Variants in PTPRN2 observed in about 807,000 individuals in gnomAD.
PTPRN2 encodes receptor-type tyrosine-protein phosphatase N2.
In PTPRN2, 74 loss-of-function variants were observed where a neutral mutation model predicts 118.8. That is an observed-to-expected ratio of 0.62 (90% confidence interval 0.52 to 0.76). PTPRN2 has a LOEUF of 0.76. PTPRN2 is among the 30% of genes least tolerant of loss of function. The pLI is 0.00. For synonymous variants in PTPRN2, 641 were observed against 608.0 expected (o/e 1.05, Z -0.80); for missense variants, 1,481 against 1,394.4 (o/e 1.06, Z -0.99).
chr7:157,584,767 C>T (rs1292810420), intron 17 of PTPRN2, among the ~76,000 whole-genome samples: 2 of 152,186 alleles, frequency 1.3e-5, no homozygotes, highest in African/African-American at 2.4e-5. Context: ...AGGAGCTCAC[C>T]GATGCCTGGA....
chr7:157,875,376 G>A (rs1268524814), intron 12 of PTPRN2, among the ~76,000 whole-genome samples: 2 of 152,186 alleles, frequency 1.3e-5, no homozygotes, highest in African/African-American at 4.8e-5. Flanking sequence ...ATGGTGGGAG[G>A]TGGCAAACCT....
intron 2 of PTPRN2, among the ~76,000 whole-genome samples, chr7:158,422,644 C>T (rs150567595): frequency 7.0e-5 from 10 of 142,324 alleles, no homozygotes; most frequent in African/African-American, 2.9e-4. Context: ...TGGGGCCACC[C>T]TTCGGACGTG....
chr7:157,646,735 G>C (rs1046400691), intron 14 of PTPRN2, among the ~76,000 whole-genome samples: 1 of 152,176 alleles, frequency 6.6e-6, no homozygotes, highest in Non-Finnish European at 1.5e-5. Flanking sequence ...GCATGGACAC[G>C]GGAGGCTCTA....
intron 3 of PTPRN2, among the ~76,000 whole-genome samples, chr7:158,245,974 C>T (rs995311042): frequency 5.3e-5 from 8 of 152,014 alleles, no homozygotes; most frequent in African/African-American, 1.9e-4. Context: ...CACTGAGACA[C>T]AAATCAGGGC....
chr7:158,388,900 T>C (rs538303508), intron 2 of PTPRN2, among the ~76,000 whole-genome samples: 1 of 152,300 alleles, frequency 6.6e-6, no homozygotes, highest in East Asian at 1.9e-4. Context: ...ACACAGATGA[T>C]ACAAAACTTC....
chr7:158,054,095 C>CAGAGACGGAGAGATCCT, intron 11 of PTPRN2, among the ~76,000 whole-genome samples: 1 of 150,296 alleles, frequency 6.7e-6, no homozygotes, highest in Admixed American at 6.6e-5. Context: ...GCAGAGACTC[C>CAGAGACGGAGAGATCCT]AGAGACGGAG....
At position 157,618,737 on chromosome 7, in the gene PTPRN2, T is replaced by C. The variant is rs1802956394; in HGVS notation, c.2344+2625A>G. 1 of 152,150 alleles carries C rather than the reference T, an allele frequency of 6.6e-6. No homozygotes were observed. Among genetic ancestry groups the C allele is most frequent in the African/African-American group, 2.4e-5 (1 of 41,406 alleles). 9.4% of individuals were successfully genotyped at this position (152,150 alleles called of 1,614,324 possible). A position where few individuals can be genotyped will look rare whatever the true frequency, so the allele number is the denominator to read the frequency against. The stretch of plus-strand genomic sequence containing the variant: ...TGGAGAAGAAAGTAGGTAATACAAG[T>C]TTGCTCAGAATAAACCTATGTGTTC... On this transcript the variant is annotated intron_variant, in intron 15 of 22. Coordinates refer to ENST00000389418, the MANE Select transcript of PTPRN2 (RefSeq NM_002847.5). This position sits in a 1 kb window ranked among gnomAD's most constrained non-coding sequence, Gnocchi z 4.2.
intron 11 of PTPRN2, among the ~76,000 whole-genome samples, chr7:157,915,958 T>G (rs1798371385): frequency 6.6e-6 from 1 of 152,172 alleles, no homozygotes; most frequent in Non-Finnish European, 1.5e-5. Flanking sequence ...CCCAGCTGCT[T>G]TGTGCTTATG....
At chr7:158,500,128 C>T (rs2129446286) in intron 1 of PTPRN2, among the ~76,000 whole-genome samples, 1 of 151,544 alleles carries the variant, frequency 6.6e-6, no homozygotes, top group South Asian at 2.1e-4. Flanking sequence ...GACACCTGTC[C>T]ACAAACACCA....
At chr7:158,081,712 T>C (rs1812857291) in intron 10 of PTPRN2, among the ~76,000 whole-genome samples, 1 of 152,204 alleles carries the variant, frequency 6.6e-6, no homozygotes, top group African/African-American at 2.4e-5. Context: ...AAATAGATTT[T>C]AGTCTTTGGT....
chr7:157,922,467 G>A (rs1798740536), intron 11 of PTPRN2, among the ~76,000 whole-genome samples: 1 of 152,214 alleles, frequency 6.6e-6, no homozygotes, highest in Non-Finnish European at 1.5e-5. Context: ...ACTGAAATTG[G>A]AATTGAATTG....
intron 1 of PTPRN2, among the ~76,000 whole-genome samples, chr7:158,524,600 T>C (rs936446106): frequency 6.6e-6 from 1 of 151,838 alleles, no homozygotes; most frequent in African/African-American, 2.4e-5. Context: ...AGGAAAGCTG[T>C]TGGTTGTTAT....
At chr7:158,383,638 C>G (rs894329428) in intron 2 of PTPRN2, among the ~76,000 whole-genome samples, 8 of 152,140 alleles carry the variant, frequency 5.3e-5, no homozygotes, top group Non-Finnish European at 1.0e-4. Flanking sequence ...CAAGATAAAA[C>G]TAAAGTCATC....
Position 158,570,992 on chromosome 7 carries a change from G to A in PTPRN2, c.112+16566C>T, listed in dbSNP as rs1469509795. ...CGCAGGAGCCTTCCCAGCAGCCGCC[G>A]CCATGGCTGACGCACTGGCAGGAGC... On this transcript the variant is annotated intron_variant, in intron 1 of 22. Coordinates refer to ENST00000389418, the MANE Select transcript of PTPRN2 (RefSeq NM_002847.5). This position sits in a 1 kb window ranked among gnomAD's most constrained non-coding sequence, Gnocchi z 4.5. Among the ~76,000 whole-genome samples the A allele has an allele frequency of 6.6e-6, 1 of 152,152 alleles. No homozygotes were observed. Among genetic ancestry groups the A allele is most frequent in the East Asian group, 1.9e-4 (1 of 5,198 alleles).
intron 11 of PTPRN2, among the ~76,000 whole-genome samples, chr7:158,077,376 C>T (rs1366194624): frequency 1.3e-5 from 2 of 152,166 alleles, no homozygotes; most frequent in African/African-American, 4.8e-5. Flanking sequence ...TACAGAGGCG[C>T]CGCTACTGAA....
At position 157,825,560 on chromosome 7, in the gene PTPRN2, C is replaced by T. The variant is rs576630822; in HGVS notation, c.1788+73113G>A. On this transcript the variant is annotated intron_variant, in intron 12 of 22. Transcript: ENST00000389418. ...GAACAGATTATCCTCTCAAAAGTGT[C>T]AAAATGCCACGTCAGTGTATGAATC... Among the ~76,000 whole-genome samples the T allele has an allele frequency of 1.3e-3, 192 of 152,334 alleles. 5 individuals are homozygous for T. In the South Asian group the frequency reaches 0.038, roughly 30 times the overall value.
chr7:158,152,695 T>C lies in PTPRN2; in HGVS notation c.911-14180A>G, dbSNP rs569181136. Among the ~76,000 whole-genome samples, 8 of 152,206 alleles carry C rather than the reference T, an allele frequency of 5.3e-5. No individual in the cohort carries two copies. The South Asian group carries it at 1.7e-3, about 32-fold the overall frequency. On this transcript the variant is annotated intron_variant, in intron 6 of 22. Coordinates refer to ENST00000389418, the MANE Select transcript of PTPRN2 (RefSeq NM_002847.5). Reference sequence around the variant, plus strand: ...CACCCTGGCCCCTACCACACTCCCATCCTGTGCCTATAAAAACCCCCAAGA... The same window carrying C: ...CACCCTGGCCCCTACCACACTCCCACCCTGTGCCTATAAAAACCCCCAAGA...
chr7:158,078,533 G>C (rs1045026262), intron 11 of PTPRN2, among the ~76,000 whole-genome samples: 5 of 152,248 alleles, frequency 3.3e-5, no homozygotes, highest in African/African-American at 1.2e-4. Context: ...TTTTGAATTT[G>C]AAATTCTTCC....
intron 21 of PTPRN2, among the ~76,000 whole-genome samples, chr7:157,565,146 G>A (rs755506345): frequency 1.3e-5 from 2 of 152,210 alleles, no homozygotes; most frequent in East Asian, 1.9e-4. Context: ...ATCCATCCCC[G>A]TAGGCAAGGA....
Sources: allele counts gnomAD v4.1 joint callset (sites outside exome capture counted in the v4.1 genomes callset), GRCh38; gene constraint gnomAD v4.1.1; non-coding constraint Gnocchi (gnomAD v3.1); transcripts MANE v1.5; gene names NCBI Gene and HGNC (gene_info 2026-07-23, HGNC 2026-07-21).